NKAIN2: variants seen among roughly 807,000 people sequenced by gnomAD.
The protein encoded by NKAIN2 is sodium/potassium transporting ATPase interacting 2, also known as sodium/potassium-transporting ATPase subunit beta-1-interacting protein 2.
In NKAIN2, 14 loss-of-function variants were observed where a neutral mutation model predicts 32.6. That is an observed-to-expected ratio of 0.43 (90% confidence interval 0.28 to 0.67). The LOEUF is 0.67. Among genes scored for constraint, NKAIN2 ranks in the 30% least tolerant of loss-of-function variants. The pLI is 0.17. For missense variants in NKAIN2, 198 were observed against 258.3 expected, an observed-to-expected ratio of 0.77 and a Z score of 1.60; for synonymous variants, 80 against 87.2, an observed-to-expected ratio of 0.92 and a Z score of 0.46.
intron 1 of NKAIN2, among the ~76,000 whole-genome samples, chr6:124,007,481 G>A (rs1361334129): frequency 6.6e-6 from 1 of 152,158 alleles, no homozygotes; most frequent in Non-Finnish European, 1.5e-5. Flanking sequence ...AAATTTTCAT[G>A]CAGTCTCTTC....
At chr6:123,999,190 C>T (rs1779773903) in intron 1 of NKAIN2, among the ~76,000 whole-genome samples, 1 of 151,942 alleles carries the variant, frequency 6.6e-6, no homozygotes, top group South Asian at 2.1e-4. Flanking sequence ...AAGGTGTATG[C>T]TTTGGAGAAT....
rs578182330 is a variant in NKAIN2, at chr6:124,175,381, G to C, written c.55-107624G>C. On this transcript the variant is annotated intron_variant, in intron 1 of 6. Transcript: ENST00000368417. ...AATAGCTGAAGTCAATATTAAGATA[G>C]TTAGGATAATATTTCAGAAAAGATT... 3.9e-5 allele frequency among the ~76,000 whole-genome samples: 6 copies of C among 152,302 alleles called. No individual in the cohort carries two copies. The South Asian group carries it at 1.2e-3, about 32-fold the overall frequency.
At chr6:124,582,554 C>T (rs1414126509) in intron 3 of NKAIN2, among the ~76,000 whole-genome samples, 1 of 151,990 alleles carries the variant, frequency 6.6e-6, no homozygotes, top group East Asian at 1.9e-4. Flanking sequence ...AATATCAATG[C>T]TACTCAAAGT....
chr6:124,226,491 C>A (rs1342510633), intron 1 of NKAIN2, among the ~76,000 whole-genome samples: 2 of 152,016 alleles, frequency 1.3e-5, no homozygotes, highest in Non-Finnish European at 2.9e-5. Flanking sequence ...ATTGTTGAAT[C>A]ACTAACAGCA....
intron 4 of NKAIN2, among the ~76,000 whole-genome samples, chr6:124,701,138 TAC>T (rs888856391): frequency 6.7e-5 from 8 of 118,956 alleles, no homozygotes; most frequent in Non-Finnish European, 8.6e-5. Flanking sequence ...AGGAGAGAGA[TAC>T]ACACACACAC....
At chr6:124,109,037 G>A (rs188288650) in intron 1 of NKAIN2, among the ~76,000 whole-genome samples, 1 of 151,984 alleles carries the variant, frequency 6.6e-6, no homozygotes, top group Admixed American at 6.6e-5. Flanking sequence ...GGCTTTTCAT[G>A]GCCTGTTGTG....
At chr6:124,224,227 A>G (rs531543774) in intron 1 of NKAIN2, among the ~76,000 whole-genome samples, 1 of 152,240 alleles carries the variant, frequency 6.6e-6, no homozygotes, top group African/African-American at 2.4e-5. Flanking sequence ...ACACATACAT[A>G]TATATTTGTA....
chr6:124,464,428 C>CTT (rs11404689), intron 3 of NKAIN2, among the ~76,000 whole-genome samples: 26 of 146,852 alleles, frequency 1.8e-4, no homozygotes, highest in African/African-American at 3.2e-4. Context: ...GAATTATAAG[C>CTT]TTTTTTTTTT....
At chr6:124,160,950 G>C (rs1788244524) in intron 1 of NKAIN2, among the ~76,000 whole-genome samples, 1 of 152,058 alleles carries the variant, frequency 6.6e-6, no homozygotes, top group African/African-American at 2.4e-5. Flanking sequence ...TGCCTTCTTA[G>C]ATATAAAATT....
intron 5 of NKAIN2, among the ~76,000 whole-genome samples, chr6:124,815,156 A>G (rs1209616973): frequency 6.7e-6 from 1 of 150,202 alleles, no homozygotes; most frequent in African/African-American, 2.4e-5. Context: ...TGTCAACAAG[A>G]GCCCATCCAG....
At chr6:123,873,428 C>T (rs765695498) in intron 1 of NKAIN2, among the ~76,000 whole-genome samples, 14 of 152,082 alleles carry the variant, frequency 9.2e-5, no homozygotes, top group Non-Finnish European at 1.8e-4. Flanking sequence ...CCTTGTAGGC[C>T]ATGGGAAAGA....
At chr6:123,979,388 A>G (rs774084321) in intron 1 of NKAIN2, among the ~76,000 whole-genome samples, 5 of 152,116 alleles carry the variant, frequency 3.3e-5, no homozygotes, top group African/African-American at 7.2e-5. Flanking sequence ...AACATTGTGT[A>G]TTTCTGGCCT....
At chr6:124,447,987 G>C (rs1340134649) in intron 3 of NKAIN2, among the ~76,000 whole-genome samples, 1 of 152,026 alleles carries the variant, frequency 6.6e-6, no homozygotes, top group East Asian at 1.9e-4. Context: ...CCTTAAGTAT[G>C]GTGTCTCCAG....
intron 1 of NKAIN2, among the ~76,000 whole-genome samples, chr6:123,937,922 A>G (rs1456513472): frequency 7.9e-6 from 1 of 127,014 alleles, no homozygotes. Context: ...TGTTTTCATT[A>G]TGAATGGGGT....
At chr6:124,676,537 A>G (rs1773363439) in intron 4 of NKAIN2, among the ~76,000 whole-genome samples, 3 of 152,140 alleles carry the variant, frequency 2.0e-5, no homozygotes, top group Non-Finnish European at 2.9e-5. Flanking sequence ...TAATTGTTAT[A>G]TCTTCCTCAT....
intron 3 of NKAIN2, among the ~76,000 whole-genome samples, chr6:124,529,572 G>A (rs1315994369): frequency 6.6e-6 from 1 of 152,130 alleles, no homozygotes; most frequent in Non-Finnish European, 1.5e-5. Context: ...CTGAAGGAAG[G>A]AAAACCCTGC....
Position 124,184,755 on chromosome 6 carries a change from CTTTA to C in NKAIN2, c.55-98245_55-98242del, listed in dbSNP as rs373833432. 1.1e-3 allele frequency among the ~76,000 whole-genome samples: 170 copies of C among 152,148 alleles called. 5 individuals carry two copies. In the East Asian group the frequency reaches 0.026, roughly 24 times the overall value. On this transcript the variant is annotated intron_variant, in intron 1 of 6. Transcript: ENST00000368417. ...AAAACATCCCAGATCAACAAAATATCTTTATTTAGTCCCAGAATCAAAGGGAATG... is the reference window on the plus strand; with the variant it reads ...AAAACATCCCAGATCAACAAAATATCTTTAGTCCCAGAATCAAAGGGAATG...
At chr6:123,843,351 A>G (rs1774956084) in intron 1 of NKAIN2, among the ~76,000 whole-genome samples, 1 of 152,096 alleles carries the variant, frequency 6.6e-6, no homozygotes, top group South Asian at 2.1e-4. Flanking sequence ...GCAAGAAGAT[A>G]ATCTTCCCCT....
chr6:124,596,109 T>C (rs972995414), intron 3 of NKAIN2, among the ~76,000 whole-genome samples: 13 of 152,194 alleles, frequency 8.5e-5, no homozygotes, highest in African/African-American at 3.1e-4. Context: ...AGGTTGTCTA[T>C]AAGAAGGAAA....
Sources: gnomAD v4.1 joint callset for allele counts (sites outside exome capture counted in the v4.1 genomes callset) on GRCh38, gnomAD v4.1.1 for gene constraint, MANE v1.5 for transcripts, NCBI Gene and HGNC (gene_info 2026-07-23, HGNC 2026-07-21) for gene names.